Variants in FBN2 observed in about 807,000 individuals in gnomAD.
FBN2 encodes fibrillin 2.
FBN2 carries 105 observed loss-of-function variants against 355.6 expected under a neutral mutation model. The ratio of observed to expected loss-of-function variants is 0.30; its 90% CI spans 0.25 to 0.35. FBN2 has a LOEUF of 0.35. FBN2 is among the 10% of genes least tolerant of loss of function. FBN2 has a pLI of 1.00. For synonymous variants in FBN2, 1,350 were observed against 1,301.2 expected, an observed-to-expected ratio of 1.04 and a Z score of -0.81; for missense variants, 3,280 against 3,758.7, an observed-to-expected ratio of 0.87 and a Z score of 3.33.
chr5:128,536,869 C>T lies in FBN2; in HGVS notation c.255-385G>A, dbSNP rs542549381. On this transcript the variant is annotated intron_variant, in intron 1 of 64. Coordinates refer to ENST00000262464, the MANE Select transcript of FBN2 (RefSeq NM_001999.4). ...CTCCTTGGTCAACTGTTACTTTGGCCCCGACGTGTCAAGGAAAGCGCGTCG... is the reference window on the plus strand; with the variant it reads ...CTCCTTGGTCAACTGTTACTTTGGCTCCGACGTGTCAAGGAAAGCGCGTCG... Among the ~76,000 whole-genome samples the T allele has an allele frequency of 2.6e-5, 4 of 152,232 alleles. No individual in the cohort carries two copies. The South Asian group carries it at 6.2e-4, about 24-fold the overall frequency.
chr5:128,428,678 C>T (rs966273226), intron 7 of FBN2, among the ~76,000 whole-genome samples: 6 of 152,200 alleles, frequency 3.9e-5, no homozygotes, highest in Non-Finnish European at 7.3e-5. Context: ...ATAGCACAGA[C>T]TTTAGTTGTT....
rs1208524038 is a variant in FBN2 at position 128,537,385 on chromosome 5, G to T, written c.219C>A (p.Arg73=). 6.2e-7 allele frequency: 1 copy of T among 1,610,340 alleles called. No homozygotes were observed. ...CGTCCTGCTGTCCTCGCCGGCGGAC[G>T]CGGCTGGCCACTGCGGCACCCTCCT... ...YREEGAAVAS[R]VRRRGQQDVL... The change falls in exon 1 of 65, where the codon CGC becomes CGA. Residue 73 remains arginine, a synonymous_variant. Transcript: ENST00000262464.
chr5:128,449,972 T>G (rs1187811957), intron 6 of FBN2, among the ~76,000 whole-genome samples: 1 of 152,046 alleles, frequency 6.6e-6, no homozygotes, highest in Non-Finnish European at 1.5e-5. Context: ...GGTCAATTCA[T>G]CAAGAAGACA....
chr5:128,442,782 C>A (rs1029828856), intron 7 of FBN2, among the ~76,000 whole-genome samples: 1 of 151,868 alleles, frequency 6.6e-6, no homozygotes, highest in East Asian at 1.9e-4. Context: ...CATACACACA[C>A]AGAGAGAGAG....
intron 45 of FBN2, among the ~76,000 whole-genome samples, chr5:128,304,158 C>T (rs955108998): frequency 7.2e-5 from 11 of 152,198 alleles, no homozygotes; most frequent in African/African-American, 2.2e-4. Context: ...ACAGCCCTAG[C>T]CTTTTCTACA....
chr5:128,300,494 G>C (rs1008644074), intron 48 of FBN2, among the ~76,000 whole-genome samples: 1 of 152,086 alleles, frequency 6.6e-6, no homozygotes, highest in African/African-American at 2.4e-5. Flanking sequence ...TTTAAAACTG[G>C]GTGCCAAAGA....
Position 128,349,357 on chromosome 5 carries a change from A to T in FBN2, c.2979T>A (p.Arg993=), listed in dbSNP as rs768562086. The T allele has an allele frequency of 6.2e-7, 1 of 1,614,076 alleles. No individual in the cohort carries two copies. The highest frequency in any genetic ancestry group is 8.5e-7 in the Non-Finnish European group (1 of 1,180,016). Residue 993 remains arginine (R), a synonymous_variant, in exon 23 of 65, where the codon CGT becomes CGA. Coordinates refer to ENST00000262464, the MANE Select transcript of FBN2 (RefSeq NM_001999.4). The part of the protein sequence containing the change: ...PEGLTLDGTG[R]VCLDIRMEQC... ...GGGTGTGAATCTTACCCAAACATACACGGCCAGTCCCATCCAACGTAAGGC... is the reference window on the plus strand; with the variant it reads ...GGGTGTGAATCTTACCCAAACATACTCGGCCAGTCCCATCCAACGTAAGGC...
At chr5:128,467,443 C>G (rs575278487) in intron 5 of FBN2, among the ~76,000 whole-genome samples, 6 of 152,126 alleles carry the variant, frequency 3.9e-5, no homozygotes, top group Middle Eastern at 3.4e-3. Context: ...AGAATTACTA[C>G]CATGTAAAAT....
chr5:128,436,571 T>C (rs1268761989), intron 7 of FBN2, among the ~76,000 whole-genome samples: 2 of 147,652 alleles, frequency 1.4e-5, no homozygotes, highest in Non-Finnish European at 3.0e-5. Flanking sequence ...TGGAGAAAGA[T>C]AGGAAAACGG....
At chr5:128,439,788 C>A (rs989853871) in intron 7 of FBN2, among the ~76,000 whole-genome samples, 1 of 151,994 alleles carries the variant, frequency 6.6e-6, no homozygotes, top group African/African-American at 2.4e-5. Flanking sequence ...AAGTGGCCAA[C>A]ACACTGAAAT....
intron 55 of FBN2, among the ~76,000 whole-genome samples, chr5:128,285,693 C>T (rs1305676168): frequency 6.6e-6 from 1 of 151,694 alleles, no homozygotes; most frequent in Non-Finnish European, 1.5e-5. Context: ...ACTTGCAAGT[C>T]ATCCAGATCA....
intron 45 of FBN2, among the ~76,000 whole-genome samples, 168 bp downstream of exon 45, chr5:128,304,789 C>T (rs1561759614): frequency 6.6e-6 from 1 of 151,944 alleles, no homozygotes; most frequent in Non-Finnish European, 1.5e-5. Flanking sequence ...TATGTCCCTG[C>T]TTGCAAATTT....
chr5:128,392,931 T>C (rs557524366), intron 10 of FBN2, among the ~76,000 whole-genome samples: 1 of 152,208 alleles, frequency 6.6e-6, no homozygotes, highest in South Asian at 2.1e-4. Context: ...ATTTTCCTAT[T>C]ACATTTTCCC....
chr5:128,421,654 A>C (rs1753352777), intron 7 of FBN2, among the ~76,000 whole-genome samples: 1 of 152,188 alleles, frequency 6.6e-6, no homozygotes, highest in South Asian at 2.1e-4. Flanking sequence ...TAAAATGAAG[A>C]GATCACACGA....
chr5:128,459,601 T>G (rs992280827), intron 6 of FBN2, among the ~76,000 whole-genome samples: 1 of 152,192 alleles, frequency 6.6e-6, no homozygotes, highest in Non-Finnish European at 1.5e-5. Flanking sequence ...AAAAAACTTA[T>G]CCACCACCAT....
chr5:128,529,197 A>G lies in FBN2; in HGVS notation c.437-1230T>C, dbSNP rs115396192. ...GTCAGTGGTGGGATCTCCAGTGTAG[A>G]TAAATATTATGAGTTATCAACAGAT... is the stretch of plus-strand genomic sequence containing the variant. On this transcript the variant is annotated intron_variant, in intron 3 of 64. Coordinates refer to ENST00000262464, the MANE Select transcript of FBN2 (RefSeq NM_001999.4). 1.9e-3 allele frequency among the ~76,000 whole-genome samples: 286 copies of G among 152,314 alleles called. 2 individuals are homozygous for G. Among genetic ancestry groups the G allele is most frequent in the African/African-American group, 6.4e-3 (267 of 41,560 alleles).
chr5:128,282,745 T>C (rs1318507183), intron 55 of FBN2, among the ~76,000 whole-genome samples: 2 of 152,182 alleles, frequency 1.3e-5, no homozygotes, highest in Non-Finnish European at 2.9e-5. Context: ...AGCATTGTAC[T>C]TTCTACCCTT....
intron 14 of FBN2, among the ~76,000 whole-genome samples, chr5:128,375,288 A>G (rs570173813): frequency 6.6e-6 from 1 of 152,210 alleles, no homozygotes; most frequent in African/African-American, 2.4e-5. Context: ...TCTTCACAAC[A>G]TTTGTAATTA....
At chr5:128,405,490 C>G (rs953469168) in intron 8 of FBN2, among the ~76,000 whole-genome samples, 1 of 152,014 alleles carries the variant, frequency 6.6e-6, no homozygotes, top group African/African-American at 2.4e-5. Flanking sequence ...TTTGGTAAAT[C>G]AAAACTCTCC....
Sources: gnomAD v4.1 joint callset for allele counts (sites outside exome capture counted in the v4.1 genomes callset) on GRCh38, gnomAD v4.1.1 for gene constraint, MANE v1.5 for transcripts, NCBI Gene and HGNC (gene_info 2026-07-23, HGNC 2026-07-21) for gene names.